The following GMDS variants were observed in gnomAD, a reference collection of about 807,000 sequenced individuals.
GMDS encodes the protein GDP-mannose 4,6 dehydratase.
A neutral mutation model predicts 49.9 loss-of-function variants in GMDS; 20 were observed. That is an observed-to-expected ratio of 0.40 (90% confidence interval 0.28 to 0.58). GMDS has a LOEUF of 0.58. Ranked by LOEUF, GMDS falls within the 20% of genes least tolerant of loss-of-function variation. GMDS has a pLI of 0.42. For synonymous variants in GMDS, 177 were observed against 178.6 expected (o/e 0.99, Z 0.07); for missense variants, 362 against 481.4 (o/e 0.75, Z 2.32).
chr6:1,739,614 C>T (rs1767182550), intron 8 of GMDS, among the ~76,000 whole-genome samples: 1 of 152,256 alleles, frequency 6.6e-6, no homozygotes. Flanking sequence ...AACTGCAGGA[C>T]CCACAAGGGC....
At chr6:2,206,536 G>C (rs1779815756) in intron 1 of GMDS, among the ~76,000 whole-genome samples, 1 of 152,124 alleles carries the variant, frequency 6.6e-6, no homozygotes, top group Admixed American at 6.5e-5. Context: ...GAGTCCAAGT[G>C]GTTATTTTCA....
intron 4 of GMDS, among the ~76,000 whole-genome samples, chr6:2,053,462 A>G (rs1223363571): frequency 6.6e-6 from 1 of 152,122 alleles, no homozygotes; most frequent in African/African-American, 2.4e-5. Flanking sequence ...ACATTTCAAA[A>G]TTAAAGCTCT....
intron 1 of GMDS, among the ~76,000 whole-genome samples, chr6:2,184,372 A>G (rs534793093): frequency 6.6e-6 from 1 of 152,288 alleles, no homozygotes; most frequent in Non-Finnish European, 1.5e-5. Context: ...AAGCCCCTAG[A>G]AGATCTGGCC....
intron 9 of GMDS, among the ~76,000 whole-genome samples, chr6:1,682,560 A>ATTT (rs1199208514): frequency 1.2e-4 from 3 of 24,312 alleles, no homozygotes; most frequent in Non-Finnish European, 2.1e-4. Flanking sequence ...ATGGCCTTTC[A>ATTT]TTTTTTTTTT....
intron 1 of GMDS, among the ~76,000 whole-genome samples, chr6:2,175,109 A>C (rs1778210233): frequency 6.6e-6 from 1 of 152,090 alleles, no homozygotes; most frequent in African/African-American, 2.4e-5. Context: ...AATTTTAAAG[A>C]TCTCTTGAGA....
intron 9 of GMDS, among the ~76,000 whole-genome samples, chr6:1,724,379 G>A (rs34256520): frequency 0.029 from 4,381 of 152,160 alleles, 87 homozygotes; most frequent in Middle Eastern, 0.068. Flanking sequence ...GGGTCGATGC[G>A]GATTCAAGAA....
intron 7 of GMDS, among the ~76,000 whole-genome samples, chr6:1,878,110 G>A (rs1391571975): frequency 2.0e-5 from 3 of 152,068 alleles, no homozygotes; most frequent in East Asian, 1.9e-4. Context: ...TCAGGAGATC[G>A]AGACCATCCT....
At chr6:2,229,407 A>C (rs1780972634) in intron 1 of GMDS, among the ~76,000 whole-genome samples, 1 of 109,960 alleles carries the variant, frequency 9.1e-6, no homozygotes, top group Non-Finnish European at 1.8e-5. Flanking sequence ...CCCTGTTTCT[A>C]CAAAAAAAAA....
intron 9 of GMDS, among the ~76,000 whole-genome samples, chr6:1,684,470 G>A (rs1764904366): frequency 6.6e-6 from 1 of 152,218 alleles, no homozygotes; most frequent in South Asian, 2.1e-4. Context: ...GTGAACGGCT[G>A]TGCGGCAATG....
rs568968030 is a variant in GMDS, at chr6:2,213,918, G to A, written c.102+31403C>T. On this transcript the variant is annotated intron_variant, in intron 1 of 10. Coordinates refer to ENST00000380815, the MANE Select transcript of GMDS (RefSeq NM_001500.4). ...GCAACGTCAAGATGACCTACGGAGT[G>A]TTAATTTTTCATTTAAATATTTTCA... Among the ~76,000 whole-genome samples, 46 of 152,310 alleles carry A rather than the reference G, an allele frequency of 3.0e-4. 1 individual carries two copies. The South Asian group carries it at 9.3e-3, about 31-fold the overall frequency.
intron 7 of GMDS, among the ~76,000 whole-genome samples, chr6:1,779,425 C>A (rs1406725036): frequency 6.6e-6 from 1 of 152,192 alleles, no homozygotes; most frequent in Non-Finnish European, 1.5e-5. Context: ...GGGCCCTCTG[C>A]CTCCAACTGC....
At position 2,167,900 on chromosome 6, in the gene GMDS, G is replaced by A. The variant is rs566898730; in HGVS notation, c.103-43169C>T. Among the ~76,000 whole-genome samples, 128 of 152,254 alleles carry A rather than the reference G, an allele frequency of 8.4e-4. 1 individual carries two copies. The highest frequency in any genetic ancestry group is 2.9e-3 in the African/African-American group (121 of 41,532). Reference sequence around the variant, plus strand: ...ACCTTCAATGCCTAGTGAAACAACCGGATTCACACAGCAGGCAGTCAATAA... The same window carrying A: ...ACCTTCAATGCCTAGTGAAACAACCAGATTCACACAGCAGGCAGTCAATAA... On this transcript the variant is annotated intron_variant, in intron 1 of 10. Coordinates refer to ENST00000380815, the MANE Select transcript of GMDS (RefSeq NM_001500.4).
At chr6:1,923,115 G>A (rs764344565) in intron 7 of GMDS, among the ~76,000 whole-genome samples, 5 of 152,184 alleles carry the variant, frequency 3.3e-5, no homozygotes, top group Non-Finnish European at 5.9e-5. Flanking sequence ...CCCCAGCCAC[G>A]TGGAACTGTG....
chr6:1,976,742 A>G (rs1404387743), intron 4 of GMDS, among the ~76,000 whole-genome samples: 1 of 152,244 alleles, frequency 6.6e-6, no homozygotes, highest in African/African-American at 2.4e-5. Flanking sequence ...TAAAACTAGC[A>G]TCTTTCTAAT....
rs181438023 is a variant in GMDS at position 2,028,016 on chromosome 6, A to G, written c.346-67050T>C. Among the ~76,000 whole-genome samples, 108 of 152,336 alleles carry G rather than the reference A, an allele frequency of 7.1e-4. 1 individual carries two copies. The highest frequency in any genetic ancestry group is 7.0e-3 in the Admixed American group (107 of 15,304). On this transcript the variant is annotated intron_variant, in intron 4 of 10. Transcript: ENST00000380815. Reference sequence around the variant, plus strand: ...AAAAAAGCTTCAAAACTTTAAAGAAAAACAGAACTCTTGGCGAAAGCTACT... The same window carrying G: ...AAAAAAGCTTCAAAACTTTAAAGAAGAACAGAACTCTTGGCGAAAGCTACT...
chr6:1,717,334 T>C (rs1766211223), intron 9 of GMDS, among the ~76,000 whole-genome samples: 1 of 152,214 alleles, frequency 6.6e-6, no homozygotes, highest in Non-Finnish European at 1.5e-5. Context: ...AGATGGGTTT[T>C]TGCAGACAGG....
intron 7 of GMDS, among the ~76,000 whole-genome samples, chr6:1,890,399 G>C (rs1335285830): frequency 6.6e-6 from 1 of 152,134 alleles, no homozygotes; most frequent in Non-Finnish European, 1.5e-5. Flanking sequence ...GTCTATTTAA[G>C]TCTTGTGCCT....
intron 7 of GMDS, among the ~76,000 whole-genome samples, chr6:1,912,101 C>T (rs1761093613): frequency 6.6e-6 from 1 of 152,186 alleles, no homozygotes; most frequent in Admixed American, 6.5e-5. Flanking sequence ...CATGGTGGCT[C>T]ACTTCTCCAA....
At chr6:2,058,252 G>C (rs1299932960) in intron 4 of GMDS, among the ~76,000 whole-genome samples, 1 of 151,522 alleles carries the variant, frequency 6.6e-6, no homozygotes, top group East Asian at 1.9e-4. Flanking sequence ...CAGCTACTGA[G>C]GAGAATCACT....
Sources: gnomAD v4.1 joint callset for allele counts (sites outside exome capture counted in the v4.1 genomes callset) on GRCh38, gnomAD v4.1.1 for gene constraint, MANE v1.5 for transcripts, NCBI Gene and HGNC (gene_info 2026-07-23, HGNC 2026-07-21) for gene names.